Variants in DLG5 observed in about 807,000 individuals in gnomAD.
The protein encoded by DLG5 is discs large MAGUK scaffold protein 5.
A neutral mutation model predicts 189.8 loss-of-function variants in DLG5; 48 were observed. The observed-to-expected ratio is 0.25, with a 90% CI of 0.20 to 0.32. The LOEUF is 0.32. Among genes scored for constraint, DLG5 ranks in the 10% least tolerant of loss-of-function variants. DLG5 has a pLI of 1.00. For missense variants in DLG5, 2,160 were observed against 2,544.7 expected, an observed-to-expected ratio of 0.85 and a Z score of 3.25; for synonymous variants, 1,016 against 1,054.1, an observed-to-expected ratio of 0.96 and a Z score of 0.70.
At chr10:77,857,962 C>T (rs1487670768) in intron 2 of DLG5, among the ~76,000 whole-genome samples, 1 of 152,174 alleles carries the variant, frequency 6.6e-6, no homozygotes, top group African/African-American at 2.4e-5. Context: ...TCCTGACCAC[C>T]CCTGTCCCAC....
upstream of DLG5, among the ~76,000 whole-genome samples, chr10:77,931,043 C>A (rs901196230): frequency 4.6e-5 from 7 of 152,020 alleles, no homozygotes; most frequent in South Asian, 2.1e-4. Context: ...TGGTCTCGAA[C>A]TCCCAACCTC....
chr10:77,854,187 T>C lies in DLG5; in HGVS notation c.680+40A>G. 5.0e-6 allele frequency: 8 copies of C among 1,608,728 alleles called. No homozygotes were observed. In the African/African-American group the frequency reaches 5.3e-5, roughly 11 times the overall value. On this transcript the variant is annotated intron_variant, in intron 4 of 31. Transcript: ENST00000372391. ...GAAAAGAAGGGCAAAGGCAGCTGTCTGTGGGTGTTGGAGGCCCTGGCCAAG... is the reference window on the plus strand; with the variant it reads ...GAAAAGAAGGGCAAAGGCAGCTGTCCGTGGGTGTTGGAGGCCCTGGCCAAG...
chr10:77,838,010 C>T (rs1482907314), intron 7 of DLG5, among the ~76,000 whole-genome samples: 1 of 152,192 alleles, frequency 6.6e-6, no homozygotes, highest in East Asian at 1.9e-4. Flanking sequence ...GCAGATGGCT[C>T]TCGGGTGAGG....
At chr10:77,854,451 A>T in intron 3 of DLG5, 81 bp from the exon 4 acceptor site, 1 of 1,567,250 alleles carries the variant, frequency 6.4e-7, no homozygotes, top group Non-Finnish European at 8.6e-7. Flanking sequence ...GGATTAGGCC[A>T]GCCCAGTGGT....
Position 77,821,619 on chromosome 10 carries a change from C to A in DLG5, c.2865G>T (p.Thr955=). The change falls in exon 15 of 32, where the codon ACG becomes ACT. Residue 955 remains threonine, a synonymous_variant. Transcript: ENST00000372391. ...GTWPKAMLSS[T]AVPEKLSVYK... ...AAACAGAGAGCTTCTCAGGCACTGCCGTGGAGCTGAGCATGGCCTTGGGCC... is the reference window on the plus strand; with the variant it reads ...AAACAGAGAGCTTCTCAGGCACTGCAGTGGAGCTGAGCATGGCCTTGGGCC... 1 of 1,613,114 alleles carries A rather than the reference C, an allele frequency of 6.2e-7. No homozygotes were observed. Among genetic ancestry groups the A allele is most frequent in the East Asian group, 2.2e-5 (1 of 44,870 alleles).
At chr10:77,871,956 A>G (rs1844919733) in intron 1 of DLG5, among the ~76,000 whole-genome samples, 1 of 152,218 alleles carries the variant, frequency 6.6e-6, no homozygotes, top group African/African-American at 2.4e-5. Context: ...TGATATCTTC[A>G]AAGAACAAGA....
At chr10:77,898,155 G>T (rs1271484149) in intron 1 of DLG5, among the ~76,000 whole-genome samples, 1 of 152,154 alleles carries the variant, frequency 6.6e-6, no homozygotes, top group Non-Finnish European at 1.5e-5. Context: ...GTGACCAAGT[G>T]GCACATGGCT....
intron 20 of DLG5, among the ~76,000 whole-genome samples, chr10:77,813,950 C>T (rs1841909019): frequency 6.6e-6 from 1 of 152,134 alleles, no homozygotes; most frequent in Non-Finnish European, 1.5e-5. Context: ...ATGGTGTCTC[C>T]AGTTGAGGGG....
At chr10:77,895,212 C>T (rs1292640204) in intron 1 of DLG5, among the ~76,000 whole-genome samples, 2 of 152,148 alleles carry the variant, frequency 1.3e-5, no homozygotes, top group Non-Finnish European at 2.9e-5. Context: ...CATCATACAT[C>T]TCTTCCTCCA....
intron 1 of DLG5, among the ~76,000 whole-genome samples, chr10:77,870,101 T>C (rs1344613422): frequency 1.4e-5 from 2 of 148,120 alleles, no homozygotes; most frequent in South Asian, 2.2e-4. Context: ...ATGGATGACA[T>C]AAAATTAAAA....
In DLG5 at chr10:77,822,081, C is replaced by G; in HGVS notation, c.2403G>C (p.Ser801=). 1 of 1,613,376 alleles carries G rather than the reference C, an allele frequency of 6.2e-7. No homozygotes were observed. Among genetic ancestry groups the G allele is most frequent in the Non-Finnish European group, 8.5e-7 (1 of 1,179,634 alleles). The change falls in exon 15 of 32, where the codon TCG becomes TCC. Residue 801 remains serine, a synonymous_variant. Coordinates refer to ENST00000372391, the MANE Select transcript of DLG5 (RefSeq NM_004747.4). The part of the protein sequence containing the change: ...SLLKVFPQSS[S]WSGQNIFENI... ...TTTCAAAAATGTTCTGGCCACTCCA[C>G]GAGGAGCTCTGAGGGAATACCTAGG...
chr10:77,938,416 G>A, the DLG5 span, among the ~76,000 whole-genome samples: 1 of 152,096 alleles, frequency 6.6e-6, no homozygotes, highest in Non-Finnish European at 1.5e-5. Context: ...GGGTGACAGA[G>A]CAAGACCCTG....
chr10:77,824,029 G>A (rs1030483766), intron 14 of DLG5, among the ~76,000 whole-genome samples: 3 of 152,106 alleles, frequency 2.0e-5, no homozygotes, highest in Admixed American at 6.6e-5. Context: ...AACCATGCCC[G>A]GCCATGACAC....
chr10:77,807,481 T>A (rs1251677265), intron 25 of DLG5, among the ~76,000 whole-genome samples: 1 of 152,082 alleles, frequency 6.6e-6, no homozygotes, highest in African/African-American at 2.4e-5. Flanking sequence ...TGCAGAGGGA[T>A]CTGCAAACCT....
At chr10:77,820,644 G>C in intron 15 of DLG5, 1 of 199,238 alleles carries the variant, frequency 5.0e-6, no homozygotes, top group South Asian at 1.2e-4. Flanking sequence ...CCAGTGAGCA[G>C]TGTGGACTGG....
At chr10:77,878,782 A>G (rs1306446625) in intron 1 of DLG5, among the ~76,000 whole-genome samples, 2 of 152,176 alleles carry the variant, frequency 1.3e-5, no homozygotes, top group African/African-American at 4.8e-5. Flanking sequence ...TCTGGTTCAC[A>G]AAGAAAAAAC....
chr10:77,912,224 AAG>A lies in DLG5; in HGVS notation c.304+13991_304+13992del, dbSNP rs1176719464. The A allele has an allele frequency of 8.2e-4, 106 of 129,372 alleles. 1 individual carries two copies. The highest frequency in any genetic ancestry group is 2.1e-3 in the African/African-American group (75 of 35,930). 8.0% of individuals were successfully genotyped at this position (129,372 alleles called of 1,614,324 possible). On this transcript the variant is annotated intron_variant, in intron 1 of 31. Transcript: ENST00000372391. ...GTCTCTTTAAAAAAAAAAAAAAAAAAAGGTTAATTTTTCTATTTATATCTATC... is the reference window on the plus strand; with the variant it reads ...GTCTCTTTAAAAAAAAAAAAAAAAAAGTTAATTTTTCTATTTATATCTATC...
chr10:77,796,521 C>T lies in DLG5; in HGVS notation c.5238G>A (p.Gly1746=), dbSNP rs765696648. 1 of 1,614,192 alleles carries T rather than the reference C, an allele frequency of 6.2e-7. No individual in the cohort carries two copies. Among genetic ancestry groups the T allele is most frequent in the South Asian group, 1.1e-5 (1 of 91,084 alleles). The change falls in exon 28 of 32, where the codon GGG becomes GGA. Residue 1746 remains glycine, a synonymous_variant. Coordinates refer to ENST00000372391, the MANE Select transcript of DLG5 (RefSeq NM_004747.4). This position sits in a 1 kb window ranked among gnomAD's most constrained non-coding sequence, Gnocchi z 5.2. The part of the protein sequence containing the change: ...CTALRPVLIL[G]PLLDVVKEML... ...TCTCCTTCACCACGTCCAGCAAAGG[C>T]CCCAGAATCAGGACAGGCCTCAGAG...
chr10:77,837,428 G>A (rs970726009), intron 7 of DLG5, among the ~76,000 whole-genome samples: 9 of 152,082 alleles, frequency 5.9e-5, no homozygotes, highest in African/African-American at 1.4e-4. Context: ...CAGACAGGAC[G>A]ACAGGCAGCG....
Sources: gnomAD v4.1 joint callset for allele counts (sites outside exome capture counted in the v4.1 genomes callset) on GRCh38, gnomAD v4.1.1 for gene constraint, Gnocchi (gnomAD v3.1) non-coding constraint, MANE v1.5 for transcripts, NCBI Gene and HGNC (gene_info 2026-07-23, HGNC 2026-07-21) for gene names.